The following TMTC1 variants were observed in gnomAD, a reference collection of about 807,000 sequenced individuals.
TMTC1 encodes protein O-mannosyl-transferase TMTC1.
In TMTC1, 73 loss-of-function variants were observed where a neutral mutation model predicts 104.8. That is an observed-to-expected ratio of 0.70 (90% CI 0.58 to 0.85). The LOEUF is 0.85. Among genes scored for constraint, TMTC1 ranks in the 40% least tolerant of loss-of-function variants. The pLI, the probability that TMTC1 is intolerant of heterozygous loss-of-function variation, is 0.00. For missense variants in TMTC1, 1,035 were observed against 1,096.1 expected (o/e 0.94, Z 0.79); for synonymous variants, 434 against 428.7 (o/e 1.01, Z -0.15).
In TMTC1 at chr12:29,583,524, C is replaced by T. The variant is rs1946041499; in HGVS notation, c.1301G>A (p.Trp434Ter). ...FVHGLSKLCT[W>*]LNRCGATTLI... The stretch of plus-strand genomic sequence containing the variant: ...GGTGGTGGCCCCACATCGATTCAGC[C>T]AAGTGCAGAGCTTGCTCAGTCCATG... The change falls in exon 8 of 18, where the codon TGG becomes TAG. Residue 434 changes from tryptophan to a stop codon, truncating the protein, a stop_gained. Coordinates refer to ENST00000539277, the MANE Select transcript of TMTC1 (RefSeq NM_001193451.2). LOFTEE classifies it high-confidence loss of function. The T allele has an allele frequency of 6.2e-7, 1 of 1,613,698 alleles. No individual in the cohort carries two copies.
At chr12:29,511,737 A>G (rs1266519913) in intron 17 of TMTC1, among the ~76,000 whole-genome samples, 1 of 152,200 alleles carries the variant, frequency 6.6e-6, no homozygotes, top group African/African-American at 2.4e-5. Context: ...TTTAGTTCCC[A>G]TAAACAGATT....
intron 9 of TMTC1, chr12:29,568,985 C>G: frequency 2.2e-6 from 1 of 455,960 alleles, no homozygotes; most frequent in Non-Finnish European, 4.4e-6. Context: ...TTTATTATTA[C>G]TGCAGGAGTA....
rs550985674 is a variant in TMTC1 at position 29,538,633 on chromosome 12, A to C, written c.1677-2316T>G. On this transcript the variant is annotated intron_variant, in intron 10 of 17. Coordinates refer to ENST00000539277, the MANE Select transcript of TMTC1 (RefSeq NM_001193451.2). ...TGGAAACTTAGACCTTTTACATGTG[A>C]GCTTAGCAAGATGACCATTCAGTAC... is the stretch of plus-strand genomic sequence containing the variant. Among the ~76,000 whole-genome samples, 5 of 152,242 alleles carry C rather than the reference A, an allele frequency of 3.3e-5. No homozygotes were observed. The South Asian group carries it at 8.3e-4, about 25-fold the overall frequency.
rs1006755558 is a variant in TMTC1 at position 29,556,119 on chromosome 12, A to T, written c.1676+738T>A. ...CACCGTTACTACTATCATTGTCTGG[A>T]CCATCACCAACATGCTTAGACTATA... On this transcript the variant is annotated intron_variant, in intron 10 of 17. Transcript: ENST00000539277. 7.2e-5 allele frequency among the ~76,000 whole-genome samples: 11 copies of T among 152,184 alleles called. No individual in the cohort carries two copies. The East Asian group carries it at 1.4e-3, about 19-fold the overall frequency.
chr12:29,698,129 C>T (rs538646237), intron 5 of TMTC1, among the ~76,000 whole-genome samples: 1 of 152,264 alleles, frequency 6.6e-6, no homozygotes, highest in Non-Finnish European at 1.5e-5. Flanking sequence ...GCCTTTTGTC[C>T]CTTCCCTGAG....
chr12:29,768,548 G>T (rs1435773399), intron 1 of TMTC1, among the ~76,000 whole-genome samples: 1 of 152,168 alleles, frequency 6.6e-6, no homozygotes, highest in Admixed American at 6.5e-5. Flanking sequence ...GCATGAATGT[G>T]TTCTCTCACC....
At chr12:29,575,009 A>AC (rs1011016654) in intron 8 of TMTC1, among the ~76,000 whole-genome samples, 2 of 152,086 alleles carry the variant, frequency 1.3e-5, no homozygotes, top group African/African-American at 2.4e-5. Context: ...CTGGGGTGAT[A>AC]CCAACAATTT....
intron 9 of TMTC1, among the ~76,000 whole-genome samples, chr12:29,562,267 C>T (rs1018036328): frequency 3.3e-5 from 5 of 152,166 alleles, no homozygotes; most frequent in Non-Finnish European, 7.3e-5. Context: ...GCCTCAACTG[C>T]AATTCAGGGA....
chr12:29,624,547 T>C (rs1937871166), intron 6 of TMTC1, among the ~76,000 whole-genome samples: 1 of 152,190 alleles, frequency 6.6e-6, no homozygotes, highest in Non-Finnish European at 1.5e-5. Context: ...TCAGCCTCCT[T>C]ACTGTCTGTG....
At chr12:29,521,562 C>CTTTAT (rs1565642255) in intron 11 of TMTC1, among the ~76,000 whole-genome samples, 1 of 99,014 alleles carries the variant, frequency 1.0e-5, no homozygotes, top group Non-Finnish European at 2.0e-5. Flanking sequence ...CTTTTTCTTT[C>CTTTAT]TTTCTTTTTT....
At chr12:29,600,137 T>G (rs1946526998) in intron 7 of TMTC1, among the ~76,000 whole-genome samples, 1 of 151,618 alleles carries the variant, frequency 6.6e-6, no homozygotes. Context: ...AAAAACATTT[T>G]GAACATGTTC....
At chr12:29,680,454 A>G (rs751995841) in intron 5 of TMTC1, among the ~76,000 whole-genome samples, 29 of 152,318 alleles carry the variant, frequency 1.9e-4, no homozygotes, top group Admixed American at 2.6e-4. Context: ...AGAGTTAGAA[A>G]AGAATTAATA....
intron 10 of TMTC1, among the ~76,000 whole-genome samples, chr12:29,555,994 T>G (rs11050281): frequency 0.19 from 28,290 of 152,096 alleles, 3,071 homozygotes; most frequent in East Asian, 0.37. Context: ...AACATATTAT[T>G]ACGCTCCAAT....
At position 29,501,480 on chromosome 12, in the gene TMTC1, T is replaced by C. The variant is rs1325480291; in HGVS notation, c.*5366A>G. 1.3e-5 allele frequency: 2 copies of C among 152,112 alleles called. No individual in the cohort carries two copies. The highest frequency in any genetic ancestry group is 2.4e-5 in the African/African-American group (1 of 41,406). 9.4% of individuals were successfully genotyped at this position (152,112 alleles called of 1,614,324 possible). A position where few individuals can be genotyped will look rare whatever the true frequency, so the allele number is the denominator to read the frequency against. ...AATGGCTAACTTGCCCCAGGTAAGG[T>C]GGCTCTTCAGTGGCAGAGCTAGAAC... On this transcript the variant is annotated 3_prime_UTR_variant, in exon 18 of 18. Coordinates refer to ENST00000539277, the MANE Select transcript of TMTC1 (RefSeq NM_001193451.2).
At chr12:29,520,770 C>T (rs753915414) in intron 11 of TMTC1, 50 bp from the exon 12 acceptor site, 18 of 1,432,090 alleles carry the variant, frequency 1.3e-5, no homozygotes, top group Non-Finnish European at 1.7e-5. Context: ...TTTCTAAAAC[C>T]AACAATAACT....
intron 1 of TMTC1, among the ~76,000 whole-genome samples, chr12:29,769,658 A>T (rs1943551813): frequency 6.6e-6 from 1 of 152,150 alleles, no homozygotes; most frequent in Admixed American, 6.6e-5. Context: ...TCTGAGACTG[A>T]TTTTACACTG....
At chr12:29,527,509 C>A (rs902746862) in intron 11 of TMTC1, among the ~76,000 whole-genome samples, 7 of 152,222 alleles carry the variant, frequency 4.6e-5, no homozygotes, top group African/African-American at 1.7e-4. Flanking sequence ...GATCCAAATG[C>A]CCAAGGGCAT....
chr12:29,543,313 T>G (rs1944852625), intron 10 of TMTC1, among the ~76,000 whole-genome samples: 1 of 152,242 alleles, frequency 6.6e-6, no homozygotes, highest in African/African-American at 2.4e-5. Context: ...TTTTAGTAAT[T>G]AAGTACTGGG....
chr12:29,691,642 G>C (rs1941269861), intron 5 of TMTC1, among the ~76,000 whole-genome samples: 1 of 138,314 alleles, frequency 7.2e-6, no homozygotes, highest in African/African-American at 2.7e-5. Flanking sequence ...TCTTAGAATA[G>C]ATGGAGAAAC....
Sources: gnomAD v4.1 joint callset for allele counts (sites outside exome capture counted in the v4.1 genomes callset) on GRCh38, gnomAD v4.1.1 for gene constraint, MANE v1.5 for transcripts, NCBI Gene and HGNC (gene_info 2026-07-23, HGNC 2026-07-21) for gene names.